The following MSRB3 variants were observed in gnomAD, a reference collection of about 807,000 sequenced individuals.
The protein encoded by MSRB3 is methionine-R-sulfoxide reductase B3.
A neutral mutation model predicts 21.0 loss-of-function variants in MSRB3; 13 were observed. The ratio of observed to expected loss-of-function variants is 0.62; its 90% CI spans 0.40 to 0.98. MSRB3 has a LOEUF of 0.98. MSRB3 is among the 50% of genes least tolerant of loss of function. The probability of loss-of-function intolerance (pLI) is 0.00; values close to 1 mark genes in which losing one functional copy is unlikely to be tolerated. For missense variants in MSRB3, 199 were observed against 230.3 expected (o/e 0.86, Z 0.88); for synonymous variants, 87 against 88.6 (o/e 0.98, Z 0.10).
chr12:65,298,901 T>G (rs997558978), intron 1 of MSRB3, among the ~76,000 whole-genome samples: 2 of 152,226 alleles, frequency 1.3e-5, no homozygotes, highest in African/African-American at 4.8e-5. Flanking sequence ...CTGTAGTTTA[T>G]AGTCCCAGGC....
At chr12:65,382,234 C>T (rs1878974900) in intron 5 of MSRB3, among the ~76,000 whole-genome samples, 1 of 151,904 alleles carries the variant, frequency 6.6e-6, no homozygotes, top group South Asian at 2.1e-4. Context: ...TGTGGCAGAA[C>T]ATAGGAACAC....
intron 1 of MSRB3, among the ~76,000 whole-genome samples, chr12:65,292,441 C>T (rs12311523): frequency 1.4e-5 from 2 of 142,198 alleles, no homozygotes; most frequent in Admixed American, 1.3e-4. Context: ...TCATTGTCAT[C>T]GTCATCATCA....
At chr12:65,326,682 T>C in intron 2 of MSRB3, 144 bp from the exon 3 acceptor site, 1 of 683,110 alleles carries the variant, frequency 1.5e-6, no homozygotes, top group East Asian at 2.8e-5. Context: ...TCAGCTGCAG[T>C]TCAGGTAAGC....
At chr12:65,280,200 A>G (rs1048856953) in intron 1 of MSRB3, among the ~76,000 whole-genome samples, 5 of 152,222 alleles carry the variant, frequency 3.3e-5, no homozygotes, top group African/African-American at 7.2e-5. Flanking sequence ...ACTTTATTCA[A>G]TTTGCAATTT....
intron 2 of MSRB3, among the ~76,000 whole-genome samples, chr12:65,322,626 A>G (rs913366348): frequency 7.0e-6 from 1 of 143,076 alleles, no homozygotes; most frequent in African/African-American, 2.6e-5. Context: ...ACACCACTGG[A>G]CTCCAGCCTG....
chr12:65,442,772 A>G (rs1882442131), intron 5 of MSRB3, among the ~76,000 whole-genome samples: 1 of 152,106 alleles, frequency 6.6e-6, no homozygotes, highest in Non-Finnish European at 1.5e-5. Flanking sequence ...ACATTTTTTA[A>G]TGGCACTTAG....
intron 5 of MSRB3, among the ~76,000 whole-genome samples, chr12:65,443,609 G>A (rs1592642956): frequency 6.6e-6 from 1 of 152,190 alleles, no homozygotes; most frequent in East Asian, 1.9e-4. Flanking sequence ...CAAGATCAAG[G>A]AGCTCACTGA....
At chr12:65,309,749 A>G (rs887248210) in intron 2 of MSRB3, among the ~76,000 whole-genome samples, 7 of 152,290 alleles carry the variant, frequency 4.6e-5, no homozygotes, top group Admixed American at 4.6e-4. Context: ...CCTGGTTTCT[A>G]AGCAGGGTGG....
chr12:65,281,015 C>T (rs1426118836), intron 1 of MSRB3, among the ~76,000 whole-genome samples: 2 of 152,074 alleles, frequency 1.3e-5, no homozygotes, highest in African/African-American at 4.8e-5. Flanking sequence ...TTGCTTGAAC[C>T]CAGGAGTTCG....
intron 4 of MSRB3, among the ~76,000 whole-genome samples, chr12:65,353,170 G>A (rs188956709): frequency 7.6e-4 from 116 of 152,266 alleles, no homozygotes; most frequent in South Asian, 5.6e-3. Flanking sequence ...TGGAATAGGC[G>A]TGGTGTGGTG....
intron 5 of MSRB3, among the ~76,000 whole-genome samples, chr12:65,388,276 G>T (rs1456270154): frequency 6.6e-6 from 1 of 152,114 alleles, no homozygotes; most frequent in Non-Finnish European, 1.5e-5. Context: ...ATGAGAAAAA[G>T]GGTCCTCTCC....
intron 2 of MSRB3, among the ~76,000 whole-genome samples, chr12:65,320,476 G>A (rs1246620756): frequency 6.6e-6 from 1 of 152,160 alleles, no homozygotes; most frequent in Admixed American, 6.5e-5. Context: ...TTTCAGAAGG[G>A]CAACAGCATT....
At chr12:65,308,872 C>T (rs1873814615) in intron 2 of MSRB3, 1 of 634,272 alleles carries the variant, frequency 1.6e-6, no homozygotes, top group Non-Finnish European at 2.8e-6. Context: ...GTTTCCTTGC[C>T]CAGTGTATAA....
chr12:65,368,956 C>G (rs1328800847), intron 4 of MSRB3, 42 bp from the exon 5 acceptor site: 2 of 632,780 alleles, frequency 3.2e-6, no homozygotes, highest in African/African-American at 4.4e-5. Context: ...TGTTCTTTTA[C>G]AAACAGTTTT....
intron 5 of MSRB3, among the ~76,000 whole-genome samples, chr12:65,415,819 A>G (rs1239312632): frequency 2.0e-5 from 3 of 152,162 alleles, no homozygotes; most frequent in East Asian, 1.9e-4. Context: ...TCCTAGATCA[A>G]CTGCCTTTCA....
At chr12:65,429,825 T>C (rs1277884439) in intron 5 of MSRB3, among the ~76,000 whole-genome samples, 4 of 152,162 alleles carry the variant, frequency 2.6e-5, no homozygotes, top group Non-Finnish European at 5.9e-5. Flanking sequence ...ATATGCACAG[T>C]TCATACAGAC....
At chr12:65,388,778 G>A (rs540757935) in intron 5 of MSRB3, among the ~76,000 whole-genome samples, 4 of 152,214 alleles carry the variant, frequency 2.6e-5, no homozygotes, top group Middle Eastern at 3.4e-3. Context: ...GGCTGAGGTG[G>A]GAGGATCACC....
At chr12:65,395,013 C>A (rs576245656) in intron 5 of MSRB3, among the ~76,000 whole-genome samples, 5 of 152,176 alleles carry the variant, frequency 3.3e-5, no homozygotes, top group African/African-American at 1.2e-4. Context: ...CAGTTTTCAC[C>A]ATTTCTGTTC....
intron 4 of MSRB3, among the ~76,000 whole-genome samples, chr12:65,361,063 T>A (rs1877670862): frequency 6.6e-6 from 1 of 152,160 alleles, no homozygotes; most frequent in African/African-American, 2.4e-5. Flanking sequence ...CTTTCTTTTA[T>A]AATATAGTGC....
Sources: allele counts gnomAD v4.1 joint callset (sites outside exome capture counted in the v4.1 genomes callset), GRCh38; gene constraint gnomAD v4.1.1; transcripts MANE v1.5; gene names NCBI Gene and HGNC (gene_info 2026-07-23, HGNC 2026-07-21).